The following LMBR1 variants were observed in gnomAD, a reference collection of about 807,000 sequenced individuals.
The protein encoded by LMBR1 is limb development membrane protein 1.
LMBR1 carries 52 observed loss-of-function variants against 73.9 expected under a neutral mutation model. The ratio of observed to expected loss-of-function variants is 0.70; its 90% CI spans 0.56 to 0.89. LMBR1 has a LOEUF of 0.89. LMBR1 is among the 40% of genes least tolerant of loss of function. LMBR1 has a pLI of 0.00. For synonymous variants in LMBR1, 215 were observed against 209.4 expected (o/e 1.03, Z -0.23); for missense variants, 539 against 579.8 (o/e 0.93, Z 0.72).
intron 1 of LMBR1, among the ~76,000 whole-genome samples, chr7:156,848,101 A>T (rs1212408713): frequency 6.6e-6 from 1 of 152,170 alleles, no homozygotes; most frequent in Non-Finnish European, 1.5e-5. Flanking sequence ...TAAAGACTTA[A>T]ATGTAAAACC....
chr7:156,673,723 C>T (rs1401411179), downstream of LMBR1, among the ~76,000 whole-genome samples: 3 of 152,170 alleles, frequency 2.0e-5, no homozygotes, highest in African/African-American at 7.2e-5. Context: ...AGCCAATACT[C>T]ATTCTTCTAA....
At chr7:156,878,707 T>C (rs1800593784) in intron 1 of LMBR1, among the ~76,000 whole-genome samples, 1 of 152,076 alleles carries the variant, frequency 6.6e-6, no homozygotes, top group Non-Finnish European at 1.5e-5. Flanking sequence ...AAAACAATCC[T>C]AAAATTCATA....
At chr7:156,753,165 C>A (rs1364496910) in intron 9 of LMBR1, among the ~76,000 whole-genome samples, 1 of 151,980 alleles carries the variant, frequency 6.6e-6, no homozygotes, top group Non-Finnish European at 1.5e-5. Flanking sequence ...AGGCAGACAA[C>A]CACAGGGACA....
chr7:156,843,087 T>G (rs1320670327), intron 1 of LMBR1, among the ~76,000 whole-genome samples: 1 of 152,164 alleles, frequency 6.6e-6, no homozygotes, highest in Non-Finnish European at 1.5e-5. Flanking sequence ...ATGCAGCAAC[T>G]TCTGTCAGCA....
intron 1 of LMBR1, among the ~76,000 whole-genome samples, chr7:156,878,570 G>C (rs764849153): frequency 1.3e-5 from 2 of 152,116 alleles, no homozygotes; most frequent in Non-Finnish European, 2.9e-5. Flanking sequence ...CAAACAAATG[G>C]AAACACATCC....
Position 156,749,126 on chromosome 7 carries a change from T to C in LMBR1, c.757+7267A>G, listed in dbSNP as rs113881464. Reference sequence around the variant, plus strand: ...ACATTTCTCAAAGTGGCCCAGAGTCTGATAAATTCAAAATATTCTCCCTTC... The same window carrying C: ...ACATTTCTCAAAGTGGCCCAGAGTCCGATAAATTCAAAATATTCTCCCTTC... On this transcript the variant is annotated intron_variant, in intron 9 of 16. Transcript: ENST00000353442. Among the ~76,000 whole-genome samples, 1,153 of 152,314 alleles carry C rather than the reference T, an allele frequency of 7.6e-3. 15 individuals carry two copies. The highest frequency in any genetic ancestry group is 0.026 in the African/African-American group (1,085 of 41,556).
chr7:156,876,874 G>C (rs1331209332), intron 1 of LMBR1, among the ~76,000 whole-genome samples: 1 of 152,066 alleles, frequency 6.6e-6, no homozygotes, highest in African/African-American at 2.4e-5. Context: ...AAGTCTGAAA[G>C]AGCACAAATA....
chr7:156,885,797 G>A (rs545063886), intron 1 of LMBR1, among the ~76,000 whole-genome samples: 1 of 152,250 alleles, frequency 6.6e-6, no homozygotes, highest in East Asian at 1.9e-4. Flanking sequence ...AGAATCACTT[G>A]AACCCGGGAA....
rs570726858 is a variant in LMBR1, at chr7:156,874,476, C to A, written c.66+18452G>T. Among the ~76,000 whole-genome samples the A allele has an allele frequency of 4.9e-3, 753 of 152,350 alleles. 6 individuals carry two copies. Among genetic ancestry groups the A allele is most frequent in the African/African-American group, 0.017 (701 of 41,586 alleles). On this transcript the variant is annotated intron_variant, in intron 1 of 16. Transcript: ENST00000353442. Reference sequence around the variant, plus strand: ...CAGTGCAGCGGGGGGCCGAAGGGCTCCTCAAATGCCACCAAAGTGGGAGCC... The same window carrying A: ...CAGTGCAGCGGGGGGCCGAAGGGCTACTCAAATGCCACCAAAGTGGGAGCC...
chr7:156,806,091 A>G (rs901076701), intron 4 of LMBR1, among the ~76,000 whole-genome samples: 1 of 151,994 alleles, frequency 6.6e-6, no homozygotes, highest in African/African-American at 2.4e-5. Flanking sequence ...TTGTTATAGC[A>G]GCCCAAACTG....
intron 5 of LMBR1, among the ~76,000 whole-genome samples, chr7:156,764,611 C>G (rs1823745143): frequency 6.6e-6 from 1 of 152,214 alleles, no homozygotes; most frequent in Admixed American, 6.5e-5. Flanking sequence ...CTACAATTAT[C>G]TAACACAACC....
intron 5 of LMBR1, among the ~76,000 whole-genome samples, chr7:156,769,586 T>C (rs910861999): frequency 6.6e-6 from 1 of 152,172 alleles, no homozygotes; most frequent in Non-Finnish European, 1.5e-5. Context: ...GGTTCTATCC[T>C]TACAAATTAA....
In LMBR1 at chr7:156,826,902, T is replaced by C. The variant is rs150321706; in HGVS notation, c.180-158A>G. Among the ~76,000 whole-genome samples, 22 of 152,312 alleles carry C rather than the reference T, an allele frequency of 1.4e-4. No individual in the cohort carries two copies. The East Asian group carries it at 3.9e-3, about 27-fold the overall frequency. ...AGTTGGGAGACAAATGATATACATA[T>C]GGGCCTAGAAGTTAAACTAGATAAA... On this transcript the variant is annotated intron_variant, in intron 3 of 16. Coordinates refer to ENST00000353442, the MANE Select transcript of LMBR1 (RefSeq NM_022458.4).
chr7:156,821,398 A>G (rs1033772582), intron 4 of LMBR1, among the ~76,000 whole-genome samples: 7 of 152,244 alleles, frequency 4.6e-5, no homozygotes, highest in Non-Finnish European at 8.8e-5. Flanking sequence ...GGACAACTGC[A>G]GCACTACTGC....
chr7:156,745,216 T>C (rs563212255), intron 9 of LMBR1, among the ~76,000 whole-genome samples: 61 of 152,230 alleles, frequency 4.0e-4, no homozygotes, highest in Non-Finnish European at 7.9e-4. Flanking sequence ...TCAGTCTTTT[T>C]CTGTTCTAAT....
At position 156,763,101 on chromosome 7, in the gene LMBR1, T is replaced by C; in HGVS notation, c.619+7A>G. On this transcript the variant is annotated splice_region_variant and intron_variant, in intron 7 of 16. Coordinates refer to ENST00000353442, the MANE Select transcript of LMBR1 (RefSeq NM_022458.4). Reference sequence around the variant, plus strand: ...TTCTCTTAATATCAAGTCTGAAAAATACTTACAGAGAAGTAACAAACATCC... The same window carrying C: ...TTCTCTTAATATCAAGTCTGAAAAACACTTACAGAGAAGTAACAAACATCC... 7.6e-7 allele frequency: 1 copy of C among 1,321,468 alleles called. No homozygotes were observed. Among genetic ancestry groups the C allele is most frequent in the Non-Finnish European group, 1.1e-6 (1 of 936,254 alleles). The allele number at this position is 1,321,468 out of a possible 1,614,324, so 81.9% of individuals were successfully genotyped here.
chr7:156,807,203 T>C (rs1168959178), intron 4 of LMBR1, among the ~76,000 whole-genome samples: 1 of 152,218 alleles, frequency 6.6e-6, no homozygotes, highest in East Asian at 1.9e-4. Flanking sequence ...TTTTCATGTA[T>C]TGTCTGCCTG....
chr7:156,775,507 T>G (rs912097290), intron 5 of LMBR1, among the ~76,000 whole-genome samples: 22 of 152,214 alleles, frequency 1.4e-4, no homozygotes, highest in African/African-American at 5.3e-4. Context: ...ATTATTATAC[T>G]TCCATAGCGT....
intron 3 of LMBR1, among the ~76,000 whole-genome samples, chr7:156,829,161 G>C (rs919981835): frequency 2.6e-5 from 4 of 152,196 alleles, no homozygotes; most frequent in African/African-American, 9.7e-5. Context: ...CTTTATTCAG[G>C]TGTGCTCTCA....
Sources: allele counts gnomAD v4.1 joint callset (sites outside exome capture counted in the v4.1 genomes callset), GRCh38; gene constraint gnomAD v4.1.1; transcripts MANE v1.5; gene names NCBI Gene and HGNC (gene_info 2026-07-23, HGNC 2026-07-21).